ECT2L: variants seen among roughly 807,000 people sequenced by gnomAD.
The protein encoded by ECT2L is epithelial cell transforming 2 like, also known as epithelial cell-transforming sequence 2 oncogene-like.
ECT2L carries 126 observed loss-of-function variants against 122.8 expected under a neutral mutation model. The ratio of observed to expected loss-of-function variants is 1.03; its 90% CI spans 0.89 to 1.19. ECT2L has a LOEUF of 1.19. Ranked by LOEUF, ECT2L falls within the 50% of genes most tolerant of loss-of-function variation. ECT2L has a pLI of 0.00. For synonymous variants in ECT2L, 385 were observed against 381.8 expected (o/e 1.01, Z -0.10); for missense variants, 1,012 against 1,064.1 (o/e 0.95, Z 0.68).
intron 3 of ECT2L, among the ~76,000 whole-genome samples, chr6:138,814,161 C>T (rs1364528539): frequency 1.3e-5 from 2 of 152,096 alleles, no homozygotes; most frequent in Admixed American, 1.3e-4. Flanking sequence ...ACTCTGTTTC[C>T]CTAGGCCACA....
chr6:138,842,748 G>A (rs1777086703), intron 5 of ECT2L, among the ~76,000 whole-genome samples: 1 of 152,130 alleles, frequency 6.6e-6, no homozygotes, highest in Admixed American at 6.5e-5. Context: ...CTCCAGCCTG[G>A]GCGACAGAGT....
At chr6:138,855,784 TA>T (rs1244620474) in intron 10 of ECT2L, among the ~76,000 whole-genome samples, 1 of 152,332 alleles carries the variant, frequency 6.6e-6, no homozygotes, top group South Asian at 2.1e-4. Flanking sequence ...CTCTCCCTTT[TA>T]AAAAATGTAT....
intron 5 of ECT2L, 62 bp downstream of exon 5, chr6:138,838,576 T>C (rs990295223): frequency 3.5e-5 from 53 of 1,506,126 alleles, no homozygotes; most frequent in Middle Eastern, 1.8e-4. Context: ...GTAATGAGGC[T>C]ACTGGGGTAG....
Position 138,902,770 on chromosome 6 carries a change from C to T in ECT2L, c.*143C>T. The T allele has an allele frequency of 9.6e-7, 1 of 1,045,742 alleles. No homozygotes were observed. 64.8% of individuals were successfully genotyped at this position (1,045,742 alleles called of 1,614,324 possible). On this transcript the variant is annotated 3_prime_UTR_variant, in exon 22 of 22. Coordinates refer to ENST00000541398, the MANE Select transcript of ECT2L (RefSeq NM_001077706.3). ...ACTAAGATGACCCATAGGATCTTTC[C>T]AACTTTTAAACTTTATCACTTGTGC...
chr6:138,881,007 A>T lies in ECT2L; in HGVS notation c.1716A>T (p.Arg572Ser). ...DSAEKRARVV[R>S]ELLQSERKYV... ...CAGAAAAGCGAGCTAGAGTTGTCAG[A>T]GAACTCTTACAGAGTGAGAGAAAAT... The change falls in exon 15 of 22, where the codon AGA (arginine) becomes AGT (serine). Residue 572 changes from arginine to serine, a missense_variant. Coordinates refer to ENST00000541398, the MANE Select transcript of ECT2L (RefSeq NM_001077706.3). The T allele has an allele frequency of 6.2e-7, 1 of 1,614,208 alleles. No homozygotes were observed. Among genetic ancestry groups the T allele is most frequent in the Non-Finnish European group, 8.5e-7 (1 of 1,180,022 alleles).
intron 13 of ECT2L, among the ~76,000 whole-genome samples, chr6:138,873,111 T>C (rs750584883): frequency 2.6e-5 from 4 of 152,192 alleles, no homozygotes; most frequent in Non-Finnish European, 5.9e-5. Context: ...CATAAAATAA[T>C]GCATGAAATT....
At chr6:138,881,404 T>A (rs1778642195) in intron 15 of ECT2L, among the ~76,000 whole-genome samples, 1 of 152,014 alleles carries the variant, frequency 6.6e-6, no homozygotes, top group Non-Finnish European at 1.5e-5. Flanking sequence ...GTTCAGGACC[T>A]AGGCATTTTG....
chr6:138,846,405 A>G (rs553611576), intron 7 of ECT2L, 134 bp from the exon 8 acceptor site: 464 of 714,066 alleles, frequency 6.5e-4, no homozygotes, highest in Non-Finnish European at 8.3e-4. Flanking sequence ...CTCACAAAAC[A>G]CAGGGTGAGG....
chr6:138,888,369 T>C (rs1454110901), intron 19 of ECT2L, among the ~76,000 whole-genome samples: 1 of 149,196 alleles, frequency 6.7e-6, no homozygotes, highest in Non-Finnish European at 1.5e-5. Context: ...CAGGCTGGAG[T>C]GCAGTGGCAC....
At chr6:138,889,386 G>T (rs1778939248) in intron 20 of ECT2L, among the ~76,000 whole-genome samples, 2 of 151,916 alleles carry the variant, frequency 1.3e-5, no homozygotes, top group Admixed American at 1.3e-4. Flanking sequence ...GAGTGCAGTG[G>T]CGCAATCTCG....
At chr6:138,864,329 C>T (rs187631289) in intron 11 of ECT2L, among the ~76,000 whole-genome samples, 1 of 152,038 alleles carries the variant, frequency 6.6e-6, no homozygotes. Flanking sequence ...CAAACAGAAA[C>T]AAAAACATGT....
intron 1 of ECT2L, among the ~76,000 whole-genome samples, chr6:138,809,069 T>A (rs941655658): frequency 1.3e-5 from 2 of 152,202 alleles, no homozygotes; most frequent in African/African-American, 4.8e-5. Context: ...TTTTATTGGT[T>A]TATCACGTTG....
intron 13 of ECT2L, among the ~76,000 whole-genome samples, chr6:138,868,568 A>G (rs1778133326): frequency 6.6e-6 from 1 of 152,154 alleles, no homozygotes; most frequent in Non-Finnish European, 1.5e-5. Context: ...TAGTTTCAGG[A>G]GAAATCTGAG....
At chr6:138,874,454 C>G (rs78598867) in intron 13 of ECT2L, among the ~76,000 whole-genome samples, 2,347 of 152,176 alleles carry the variant, frequency 0.015, 35 homozygotes, top group Admixed American at 0.047. Context: ...ATTTTAGGTT[C>G]AAACAAAATT....
At position 138,886,925 on chromosome 6, in the gene ECT2L, A is replaced by G; in HGVS notation, c.2325+3A>G. On this transcript the variant is annotated splice_donor_region_variant and intron_variant, in intron 19 of 21. Coordinates refer to ENST00000541398, the MANE Select transcript of ECT2L (RefSeq NM_001077706.3). ...AGAGAATCATCTGGGGATGCCCTGT[A>G]TGTATTCTTAGGAACTTGCTGTATC... 6.2e-7 allele frequency: 1 copy of G among 1,610,692 alleles called. No individual in the cohort carries two copies. Among genetic ancestry groups the G allele is most frequent in the Non-Finnish European group, 8.5e-7 (1 of 1,177,602 alleles).
intron 20 of ECT2L, among the ~76,000 whole-genome samples, chr6:138,896,530 T>C (rs1050903814): frequency 1.3e-5 from 2 of 152,200 alleles, no homozygotes; most frequent in African/African-American, 4.8e-5. Context: ...AATTGACTCA[T>C]TTTGGGGACC....
rs1397377922 is a variant in ECT2L, at chr6:138,876,382, G to A, written c.1579-90G>A. On this transcript the variant is annotated intron_variant, in intron 13 of 21. Transcript: ENST00000541398. ...CACTGTGGTTGGGGCTGAAGGCAGA[G>A]GCTTCTGAGGGCCTCCTGCGGGCAC... The A allele has an allele frequency of 2.5e-5, 20 of 803,150 alleles. No homozygotes were observed. The Middle Eastern group carries it at 9.2e-4, about 37-fold the overall frequency. 49.8% of individuals were successfully genotyped at this position (803,150 alleles called of 1,614,324 possible).
At chr6:138,852,393 T>C (rs964323594) in intron 9 of ECT2L, among the ~76,000 whole-genome samples, 5 of 152,124 alleles carry the variant, frequency 3.3e-5, no homozygotes, top group African/African-American at 1.2e-4. Context: ...CTAGTTTCTA[T>C]TTTTTTCTTA....
At chr6:138,801,522 T>C (rs79843529) in intron 1 of ECT2L, among the ~76,000 whole-genome samples, 1 of 152,128 alleles carries the variant, frequency 6.6e-6, no homozygotes, top group African/African-American at 2.4e-5. Flanking sequence ...GAGGCTGAAG[T>C]GGGCAGATTG....
Sources: allele counts gnomAD v4.1 joint callset (sites outside exome capture counted in the v4.1 genomes callset), GRCh38; gene constraint gnomAD v4.1.1; transcripts MANE v1.5; gene names NCBI Gene and HGNC (gene_info 2026-07-23, HGNC 2026-07-21).